ACACA: variants seen among roughly 807,000 people sequenced by gnomAD.
The protein encoded by ACACA is acetyl-CoA carboxylase 1.
A neutral mutation model predicts 296.1 loss-of-function variants in ACACA; 103 were observed. The observed-to-expected ratio is 0.35, with a 90% confidence interval of 0.30 to 0.41. The LOEUF is 0.41. ACACA is among the 10% of genes least tolerant of loss of function. ACACA has a pLI of 1.00. For missense variants in ACACA, 1,554 were observed against 2,989.7 expected, an observed-to-expected ratio of 0.52 and a Z score of 11.20; for synonymous variants, 953 against 1,038.6, an observed-to-expected ratio of 0.92 and a Z score of 1.58.
In ACACA at chr17:37,330,415, A is replaced by G; in HGVS notation, c.96T>C (p.Ala32=). The change falls in exon 3 of 56, where the codon GCT becomes GCC. Residue 32 remains alanine (A), a synonymous_variant. Transcript: ENST00000616317. ...QTVRIIRAVR[A]HFGGIMDEPS... is the part of the protein sequence containing the mutation. ...GTTCATCCATTATTCCTCCAAAATG[A>G]GCTCTTACAGCTATGGAGAAAATGA... The G allele has an allele frequency of 1.2e-6, 2 of 1,614,192 alleles. No homozygotes were observed. Among genetic ancestry groups the G allele is most frequent in the Non-Finnish European group, 1.7e-6 (2 of 1,180,038 alleles).
chr17:37,336,004 C>T (rs1004329331), intron 2 of ACACA, among the ~76,000 whole-genome samples: 1 of 152,038 alleles, frequency 6.6e-6, no homozygotes, highest in African/African-American at 2.4e-5. Context: ...CCAATGGATG[C>T]CCTGGATTCT....
At chr17:37,379,201 C>A in intron 1 of ACACA, 1 of 1,614,018 alleles carries the variant, frequency 6.2e-7, no homozygotes, top group Non-Finnish European at 8.5e-7. Flanking sequence ...CCCTGCAGTG[C>A]CTTGGCTCTG....
Position 37,330,796 on chromosome 17 carries a change from T to TG in ACACA, c.86-372dup, listed in dbSNP as rs568118152. On this transcript the variant is annotated intron_variant, in intron 2 of 55. Coordinates refer to ENST00000616317, the MANE Select transcript of ACACA (RefSeq NM_198834.3). The stretch of plus-strand genomic sequence containing the variant: ...ATATTGATATTTTGGTTGTTAGTAA[T>TG]GGGGGAATAAATGGTAAGGGTCTGG... Among the ~76,000 whole-genome samples the TG allele has an allele frequency of 1.3e-3, 200 of 152,316 alleles. 1 individual carries two copies. The highest frequency in any genetic ancestry group is 4.6e-3 in the African/African-American group (191 of 41,570).
At chr17:37,226,189 C>T (rs2079536524) in intron 26 of ACACA, 150 bp downstream of exon 26, 1 of 764,400 alleles carries the variant, frequency 1.3e-6, no homozygotes, top group Non-Finnish European at 2.4e-6. Flanking sequence ...AAACATACCA[C>T]ATGAAAACAT....
At chr17:37,296,717 T>C (rs2083350968) in intron 3 of ACACA, among the ~76,000 whole-genome samples, 2 of 151,942 alleles carry the variant, frequency 1.3e-5, no homozygotes, top group African/African-American at 2.4e-5. Context: ...TTTCAACATA[T>C]ACATTTTGTG....
chr17:37,333,679 T>G (rs2147255696), intron 2 of ACACA, among the ~76,000 whole-genome samples: 1 of 151,826 alleles, frequency 6.6e-6, no homozygotes, highest in Middle Eastern at 3.4e-3. Flanking sequence ...CATTATTTAC[T>G]GGACCAGGCC....
intron 35 of ACACA, among the ~76,000 whole-genome samples, chr17:37,194,074 T>C (rs950882330): frequency 1.3e-5 from 2 of 152,148 alleles, no homozygotes; most frequent in Admixed American, 1.3e-4. Flanking sequence ...AGAACCTTAT[T>C]AATTAACAAA....
intron 1 of ACACA, among the ~76,000 whole-genome samples, chr17:37,358,848 C>T (rs1451206028): frequency 1.3e-5 from 2 of 152,140 alleles, no homozygotes; most frequent in Non-Finnish European, 2.9e-5. Flanking sequence ...AAGGGCTGGG[C>T]TGCCCCGCAC....
chr17:37,371,053 T>G (rs1294716043), intron 1 of ACACA, among the ~76,000 whole-genome samples: 1 of 152,104 alleles, frequency 6.6e-6, no homozygotes, highest in African/African-American at 2.4e-5. Context: ...ATATTTTTAG[T>G]GATACATATA....
chr17:37,099,500 A>G (rs1313615530), intron 52 of ACACA, among the ~76,000 whole-genome samples: 34 of 94,888 alleles, frequency 3.6e-4, no homozygotes, highest in East Asian at 2.7e-3. Flanking sequence ...GGCTGATGGG[A>G]GGAGGGCTGA....
chr17:37,098,125 T>C, intron 52 of ACACA, 141 bp from the exon 53 acceptor site: 1 of 1,044,990 alleles, frequency 9.6e-7, no homozygotes, highest in Non-Finnish European at 1.5e-6. Flanking sequence ...TCTTCTCTGC[T>C]CTTTGCTGAT....
At chr17:37,316,298 T>TACACACACAC (rs1376843680) in intron 3 of ACACA, among the ~76,000 whole-genome samples, 6 of 95,700 alleles carry the variant, frequency 6.3e-5, no homozygotes, top group South Asian at 3.1e-4. Flanking sequence ...GCTCTACCCT[T>TACACACACAC]ACATACACAC....
At chr17:37,318,596 T>C (rs2047202595) in intron 3 of ACACA, among the ~76,000 whole-genome samples, 1 of 152,228 alleles carries the variant, frequency 6.6e-6, no homozygotes, top group Non-Finnish European at 1.5e-5. Flanking sequence ...ATTGATAGTA[T>C]ATATTTGCCA....
Position 37,141,279 on chromosome 17 carries a change from G to A in ACACA, c.5679+8585C>T, listed in dbSNP as rs977843773. The A allele has an allele frequency of 3.1e-5, 17 of 556,848 alleles. No homozygotes were observed. The African/African-American group carries it at 3.2e-4, about 10-fold the overall frequency. The allele number at this position is 556,848 out of a possible 1,614,324, so 34.5% of individuals were successfully genotyped here. A position where few individuals can be genotyped will look rare whatever the true frequency, so the allele number is the denominator to read the frequency against. On this transcript the variant is annotated intron_variant, in intron 45 of 55. Transcript: ENST00000616317. The stretch of plus-strand genomic sequence containing the variant: ...TGATCTTCATGTCCTTGACCAGGTG[G>A]CCCAACTTGGTCATCCATTCCTTGC...
intron 3 of ACACA, among the ~76,000 whole-genome samples, chr17:37,325,049 A>T (rs985735852): frequency 6.0e-5 from 9 of 149,980 alleles, no homozygotes; most frequent in Non-Finnish European, 5.9e-5. Flanking sequence ...AAAAATACAA[A>T]AATTAGCCGG....
chr17:37,280,761 A>C (rs75833805), intron 5 of ACACA, among the ~76,000 whole-genome samples: 85 of 150,884 alleles, frequency 5.6e-4, no homozygotes, highest in Non-Finnish European at 8.3e-4. Context: ...ACACACACAC[A>C]CCCCAAAAAA....
chr17:37,173,619 A>T (rs1477687224), intron 41 of ACACA, among the ~76,000 whole-genome samples: 2 of 151,352 alleles, frequency 1.3e-5, no homozygotes, highest in African/African-American at 4.9e-5. Context: ...TGTTTAAAAT[A>T]AAAAAATTAA....
intron 3 of ACACA, among the ~76,000 whole-genome samples, chr17:37,304,703 T>C (rs1482764876): frequency 1.3e-5 from 2 of 151,888 alleles, no homozygotes; most frequent in Non-Finnish European, 2.9e-5. Context: ...GGCAGGAGAA[T>C]TGCTTGAACC....
At position 37,248,595 on chromosome 17, in the gene ACACA, T is replaced by G. The variant is rs780482337; in HGVS notation, c.2161A>C (p.Lys721Gln). 1 of 1,599,784 alleles carries G rather than the reference T, an allele frequency of 6.3e-7. No homozygotes were observed. Among genetic ancestry groups the G allele is most frequent in the Non-Finnish European group, 8.6e-7 (1 of 1,167,664 alleles). Residue 721 changes from lysine (K) to glutamine (Q), a missense_variant and splice_region_variant, in exon 17 of 56, where the codon AAG (lysine) becomes CAG (glutamine). By Grantham distance (53) the Lys-to-Gln change is moderately conservative. This residue lies in a region of ACACA where 316 missense variants were observed against 540.9 expected (regional missense o/e 0.58). Coordinates refer to ENST00000616317, the MANE Select transcript of ACACA (RefSeq NM_198834.3). ...LIYEGVKYVL[K>Q]VTRQSPNSYV... ...AGCTCCAATGGGGTTCTGCATACCT[T>G]AAGTACATACTTGACTCCCTCATAG...
Sources: allele counts gnomAD v4.1 joint callset (sites outside exome capture counted in the v4.1 genomes callset), GRCh38; gene constraint gnomAD v4.1.1; regional missense constraint gnomAD v4.1.1; transcripts MANE v1.5; gene names NCBI Gene and HGNC (gene_info 2026-07-23, HGNC 2026-07-21).